DCHS2: variants seen among roughly 807,000 people sequenced by gnomAD.
DCHS2 encodes protocadherin-23.
DCHS2 carries 142 observed loss-of-function variants against 182.4 expected under a neutral mutation model. That is an observed-to-expected ratio of 0.78 (90% CI 0.68 to 0.89). The LOEUF (loss-of-function observed/expected upper bound fraction) is 0.89. Ranked by LOEUF, DCHS2 falls within the 40% of genes least tolerant of loss-of-function variation. DCHS2 has a pLI of 0.00. For missense variants in DCHS2, 4,319 were observed against 4,198.6 expected, an observed-to-expected ratio of 1.03 and a Z score of -0.79; for synonymous variants, 1,740 against 1,663.3, an observed-to-expected ratio of 1.05 and a Z score of -1.12.
intron 1 of DCHS2, among the ~76,000 whole-genome samples, chr4:154,446,291 T>G (rs1423129538): frequency 6.6e-6 from 1 of 151,982 alleles, no homozygotes; most frequent in African/African-American, 2.4e-5. Context: ...TCCTTGAGAG[T>G]CAAATGTAGA....
chr4:154,340,535 A>C (rs142005187), intron 3 of DCHS2, among the ~76,000 whole-genome samples: 2 of 152,312 alleles, frequency 1.3e-5, no homozygotes, highest in East Asian at 3.9e-4. Flanking sequence ...TTTTTAATTG[A>C]GACAGTTTAA....
chr4:154,487,311 C>G (rs111729051), intron 1 of DCHS2, among the ~76,000 whole-genome samples: 1 of 152,164 alleles, frequency 6.6e-6, no homozygotes, highest in African/African-American at 2.4e-5. Context: ...GTACATCTGA[C>G]GCTGCATGGC....
intron 1 of DCHS2, among the ~76,000 whole-genome samples, chr4:154,381,531 G>T (rs1204248458): frequency 6.6e-6 from 1 of 151,946 alleles, no homozygotes; most frequent in Non-Finnish European, 1.5e-5. Flanking sequence ...TATAGCTAGA[G>T]AATTCGTAAG....
Position 154,234,246 on chromosome 4 carries a change from T to C in DCHS2, c.*290A>G, listed in dbSNP as rs2111074315. On this transcript the variant is annotated 3_prime_UTR_variant, in exon 20 of 20. Transcript: ENST00000357232. ...CTGGCAGTCAGTTAAGTTCACTGTG[T>C]CCTTTGGAAGTCTAATCATACAGAC... 1 of 278,364 alleles carries C rather than the reference T, an allele frequency of 3.6e-6. No individual in the cohort carries two copies. Among genetic ancestry groups the C allele is most frequent in the East Asian group, 7.1e-5 (1 of 14,130 alleles). The allele number at this position is 278,364 out of a possible 1,614,324, so 17.2% of individuals were successfully genotyped here.
chr4:154,234,759 G>A lies in DCHS2; in HGVS notation c.9893C>T (p.Ala3298Val). ...CGGAGGCACCTGCCCCAGGTTTACT[G>A]CCGGCATTCTTGGTGGGACTGCTTT... ...GIKAVPPRMPAVNLGQVPPKH... is the reference protein window; with the variant it reads ...GIKAVPPRMPVVNLGQVPPKH... The change falls in exon 20 of 20, where the codon GCA becomes GTA. Residue 3298 changes from alanine to valine, a missense_variant. Transcript: ENST00000357232. 1.9e-6 allele frequency: 3 copies of A among 1,614,022 alleles called. No homozygotes were observed. The highest frequency in any genetic ancestry group is 2.5e-6 in the Non-Finnish European group (3 of 1,179,916).
At chr4:154,297,789 C>T (rs115559096) in intron 13 of DCHS2, 62 bp downstream of exon 13, 78,454 of 1,543,044 alleles carry the variant, frequency 0.051, 2,252 homozygotes, top group Non-Finnish European at 0.06. Flanking sequence ...TAGTATAATC[C>T]GTACTCTTAA....
chr4:154,236,322 A>C lies in DCHS2; in HGVS notation c.8330T>G (p.Ile2777Ser). Residue 2777 changes from isoleucine to serine, a missense_variant, in exon 20 of 20, where the codon ATT becomes AGT. Transcript: ENST00000357232. The stretch of plus-strand genomic sequence containing the variant: ...GGAAATAGGCAGATTTTCTGGAACA[A>C]TACAGCTGAAGCTTGAGAACATAAA... ...PQFMFSSFSC[I>S]VPENLPISST... 6.2e-7 allele frequency: 1 copy of C among 1,614,068 alleles called. No individual in the cohort carries two copies. Among genetic ancestry groups the C allele is most frequent in the Non-Finnish European group, 8.5e-7 (1 of 1,179,968 alleles).
chr4:154,287,609 T>C (rs1301061585), intron 13 of DCHS2, among the ~76,000 whole-genome samples: 2 of 152,092 alleles, frequency 1.3e-5, no homozygotes, highest in African/African-American at 4.8e-5. Context: ...GCTTTCCAAG[T>C]AGCTGAGATT....
intron 1 of DCHS2, among the ~76,000 whole-genome samples, chr4:154,471,445 C>G (rs1157597891): frequency 6.6e-6 from 1 of 152,116 alleles, no homozygotes; most frequent in African/African-American, 2.4e-5. Flanking sequence ...AACCATGCTT[C>G]CCTTTATTTT....
intron 1 of DCHS2, among the ~76,000 whole-genome samples, chr4:154,396,324 C>T (rs1560733437): frequency 6.6e-6 from 1 of 152,012 alleles, no homozygotes; most frequent in African/African-American, 2.4e-5. Context: ...AGGAATTGAA[C>T]AATTTCTGAT....
chr4:154,338,241 A>G (rs1257271608), intron 3 of DCHS2, among the ~76,000 whole-genome samples: 1 of 152,234 alleles, frequency 6.6e-6, no homozygotes, highest in East Asian at 1.9e-4. Context: ...TTACTGAATG[A>G]TTTATAAATA....
At chr4:154,448,097 A>T (rs1734375804) in intron 1 of DCHS2, among the ~76,000 whole-genome samples, 1 of 152,122 alleles carries the variant, frequency 6.6e-6, no homozygotes. Context: ...TCAGCCTCTG[A>T]GGCTGCTTTC....
intron 1 of DCHS2, among the ~76,000 whole-genome samples, chr4:154,420,992 A>G (rs1015777715): frequency 1.3e-5 from 2 of 152,192 alleles, no homozygotes; most frequent in African/African-American, 4.8e-5. Context: ...TGCATATAAT[A>G]TATACACTAC....
chr4:154,424,353 T>C (rs1438411047), intron 1 of DCHS2, among the ~76,000 whole-genome samples: 4 of 152,202 alleles, frequency 2.6e-5, no homozygotes, highest in African/African-American at 4.8e-5. Flanking sequence ...CAAATGTGTG[T>C]ACTCTCTAAA....
At chr4:154,371,642 C>G (rs1157823952) in intron 2 of DCHS2, among the ~76,000 whole-genome samples, 6 of 152,282 alleles carry the variant, frequency 3.9e-5, no homozygotes, top group Non-Finnish European at 7.4e-5. Flanking sequence ...GCTCATGGCT[C>G]TGCAGGTGAA....
chr4:154,316,373 A>G (rs1453804511), intron 9 of DCHS2, among the ~76,000 whole-genome samples: 1 of 152,214 alleles, frequency 6.6e-6, no homozygotes, highest in Non-Finnish European at 1.5e-5. Context: ...CCAAGTTACA[A>G]AAATGTGGGT....
At position 154,489,575 on chromosome 4, in the gene DCHS2, G is replaced by T; in HGVS notation, c.1781C>A (p.Ser594Ter). 1.9e-6 allele frequency: 3 copies of T among 1,550,930 alleles called. No homozygotes were observed. Among genetic ancestry groups the T allele is most frequent in the Non-Finnish European group, 2.6e-6 (3 of 1,146,516 alleles). ...ACACTCTGCGGTGTGGACCATCTTT[G>T]ATTGCAGGGAGCCGAGATTGCAGGG... Reference protein sequence around the residue: ...SAPCNLGSLQSKMVHTAECGP... With the variant: ...SAPCNLGSLQ The change falls in exon 1 of 20, where the codon TCA (serine) becomes TAA (stop). Residue 594 changes from serine (S) to a stop codon, truncating the protein, a stop_gained. Coordinates refer to ENST00000357232, the MANE Select transcript of DCHS2 (RefSeq NM_001358235.2). LOFTEE classifies it high-confidence loss of function.
intron 1 of DCHS2, among the ~76,000 whole-genome samples, chr4:154,416,477 T>G (rs1275514490): frequency 6.6e-6 from 1 of 152,230 alleles, no homozygotes; most frequent in Non-Finnish European, 1.5e-5. Flanking sequence ...GTCTTCCTTC[T>G]GTTATTAAAT....
intron 1 of DCHS2, among the ~76,000 whole-genome samples, chr4:154,383,074 A>G (rs184233012): frequency 1.3e-5 from 2 of 152,326 alleles, no homozygotes; most frequent in Admixed American, 6.5e-5. Flanking sequence ...TAGCAAAAAC[A>G]TAGAATCAAC....
Sources: allele counts gnomAD v4.1 joint callset (sites outside exome capture counted in the v4.1 genomes callset), GRCh38; gene constraint gnomAD v4.1.1; transcripts MANE v1.5; gene names NCBI Gene and HGNC (gene_info 2026-07-23, HGNC 2026-07-21).